The following GPC6 variants were observed in gnomAD, a reference collection of about 807,000 sequenced individuals.
The protein encoded by GPC6 is glypican-6.
Under a neutral mutation model 55.2 loss-of-function variants are expected in GPC6, and 14 were observed. The observed-to-expected ratio is 0.25, with a 90% CI of 0.17 to 0.40. GPC6 has a LOEUF of 0.40. Ranked by LOEUF, GPC6 falls within the 10% of genes least tolerant of loss-of-function variation. GPC6 has a pLI of 1.00. For synonymous variants in GPC6, 278 were observed against 259.6 expected, an observed-to-expected ratio of 1.07 and a Z score of -0.68; for missense variants, 641 against 708.5, an observed-to-expected ratio of 0.90 and a Z score of 1.08.
intron 1 of GPC6, among the ~76,000 whole-genome samples, chr13:93,516,672 A>G (rs1881208609): frequency 6.6e-6 from 1 of 152,176 alleles, no homozygotes; most frequent in South Asian, 2.1e-4. Context: ...TATCCTATCT[A>G]TGCACAAAGC....
intron 4 of GPC6, among the ~76,000 whole-genome samples, chr13:94,247,455 C>T (rs963006771): frequency 6.6e-6 from 1 of 152,072 alleles, no homozygotes; most frequent in African/African-American, 2.4e-5. Flanking sequence ...TTCAGTTTCT[C>T]CCTCTTGATT....
chr13:93,892,210 C>A (rs10492636), intron 3 of GPC6, among the ~76,000 whole-genome samples: 1 of 152,110 alleles, frequency 6.6e-6, no homozygotes, highest in Admixed American at 6.5e-5. Flanking sequence ...TTTGAAGAAG[C>A]ATATCTGTAA....
Position 93,860,950 on chromosome 13 carries a change from T to A in GPC6, c.711+30405T>A, listed in dbSNP as rs555619085. On this transcript the variant is annotated intron_variant, in intron 3 of 8. Coordinates refer to ENST00000377047, the MANE Select transcript of GPC6 (RefSeq NM_005708.5). Reference sequence around the variant, plus strand: ...GGCTCAGGGAACAGGCATTCTGGGTTTGCATGCAGGACTTGGAACTTCTAC... The same window carrying A: ...GGCTCAGGGAACAGGCATTCTGGGTATGCATGCAGGACTTGGAACTTCTAC... Among the ~76,000 whole-genome samples, 7 of 151,724 alleles carry A rather than the reference T, an allele frequency of 4.6e-5. No homozygotes were observed. The South Asian group carries it at 1.5e-3, about 31-fold the overall frequency.
At chr13:94,030,163 C>T (rs1883068000) in intron 4 of GPC6, among the ~76,000 whole-genome samples, 1 of 152,060 alleles carries the variant, frequency 6.6e-6, no homozygotes. Context: ...CGCCCGACAC[C>T]ACACCAGGCT....
At chr13:93,261,056 A>G (rs1382274406) in intron 1 of GPC6, among the ~76,000 whole-genome samples, 2 of 152,168 alleles carry the variant, frequency 1.3e-5, no homozygotes, top group African/African-American at 4.8e-5. Context: ...TTCCAAAAGG[A>G]AAGTAGTTTC....
chr13:93,307,809 G>A (rs927679254), intron 1 of GPC6, among the ~76,000 whole-genome samples: 1 of 151,952 alleles, frequency 6.6e-6, no homozygotes, highest in African/African-American at 2.4e-5. Context: ...TTATATTCTT[G>A]AAAAATGCCA....
chr13:93,315,292 TA>T (rs1211220572), intron 1 of GPC6, among the ~76,000 whole-genome samples: 2 of 152,048 alleles, frequency 1.3e-5, no homozygotes, highest in East Asian at 1.9e-4. Flanking sequence ...TTCTTTGCCA[TA>T]AAAAATGAAT....
At chr13:93,953,388 G>T (rs1395899804) in intron 3 of GPC6, among the ~76,000 whole-genome samples, 1 of 151,830 alleles carries the variant, frequency 6.6e-6, no homozygotes, top group African/African-American at 2.4e-5. Context: ...GTCCATCTTT[G>T]GTGGAATATT....
intron 4 of GPC6, among the ~76,000 whole-genome samples, chr13:94,284,102 G>C (rs1892462335): frequency 6.6e-6 from 1 of 152,204 alleles, no homozygotes; most frequent in African/African-American, 2.4e-5. Context: ...ACTGATGACA[G>C]GCTTGCCCGG....
At chr13:93,932,559 T>C (rs1218774304) in intron 3 of GPC6, among the ~76,000 whole-genome samples, 1 of 152,198 alleles carries the variant, frequency 6.6e-6, no homozygotes, top group South Asian at 2.1e-4. Flanking sequence ...TTCTACATCT[T>C]CAAGTAGTCA....
rs568527027 is a variant in GPC6 at position 94,015,142 on chromosome 13, A to G, written c.712-12587A>G. Among the ~76,000 whole-genome samples the G allele has an allele frequency of 4.6e-5, 7 of 152,328 alleles. No individual in the cohort carries two copies. In the East Asian group the frequency reaches 1.4e-3, roughly 29 times the overall value. ...TTTTCCAATGTGGCTGTACTATTATACATCCCTATTAGCAATATATAAATG... is the reference window on the plus strand; with the variant it reads ...TTTTCCAATGTGGCTGTACTATTATGCATCCCTATTAGCAATATATAAATG... On this transcript the variant is annotated intron_variant, in intron 3 of 8. Coordinates refer to ENST00000377047, the MANE Select transcript of GPC6 (RefSeq NM_005708.5).
intron 4 of GPC6, among the ~76,000 whole-genome samples, chr13:94,129,549 A>G (rs1886939939): frequency 6.6e-6 from 1 of 151,942 alleles, no homozygotes; most frequent in African/African-American, 2.4e-5. Flanking sequence ...CTGTGACCCA[A>G]TCCCCCACCA....
chr13:93,477,590 A>C (rs1358534094), intron 1 of GPC6, among the ~76,000 whole-genome samples: 1 of 152,196 alleles, frequency 6.6e-6, no homozygotes, highest in African/African-American at 2.4e-5. Context: ...TCATTAGCAA[A>C]CAGTTCACAA....
chr13:93,304,888 A>G (rs1165400377), intron 1 of GPC6, among the ~76,000 whole-genome samples: 1 of 152,172 alleles, frequency 6.6e-6, no homozygotes, highest in East Asian at 1.9e-4. Context: ...TGTCTATACA[A>G]GTATGTTTGG....
intron 2 of GPC6, among the ~76,000 whole-genome samples, chr13:93,550,530 C>A (rs1156479615): frequency 6.6e-6 from 1 of 152,034 alleles, no homozygotes; most frequent in Non-Finnish European, 1.5e-5. Flanking sequence ...ATAGTAACAC[C>A]TGCAGACTAC....
chr13:93,543,875 G>A (rs1428621629), intron 1 of GPC6, among the ~76,000 whole-genome samples: 1 of 152,010 alleles, frequency 6.6e-6, no homozygotes, highest in Non-Finnish European at 1.5e-5. Context: ...AGTCTTTTGA[G>A]GAACCTCCAT....
At chr13:93,767,799 G>A (rs571656532) in intron 2 of GPC6, among the ~76,000 whole-genome samples, 2 of 152,272 alleles carry the variant, frequency 1.3e-5, no homozygotes, top group East Asian at 3.9e-4. Context: ...CTTAAAAAAT[G>A]TTTATTCTGA....
At chr13:94,017,828 CCACGA>C (rs991901789) in intron 3 of GPC6, among the ~76,000 whole-genome samples, 7 of 152,180 alleles carry the variant, frequency 4.6e-5, no homozygotes, top group African/African-American at 1.7e-4. Context: ...CAGGCACCCA[CCACGA>C]CACCCAGCAA....
chr13:93,656,336 A>G (rs1880664948), intron 2 of GPC6, among the ~76,000 whole-genome samples: 1 of 152,160 alleles, frequency 6.6e-6, no homozygotes, highest in African/African-American at 2.4e-5. Context: ...CCAAACTAAA[A>G]TGTTACCCCT....
Sources: gnomAD v4.1 joint callset for allele counts (sites outside exome capture counted in the v4.1 genomes callset) on GRCh38, gnomAD v4.1.1 for gene constraint, MANE v1.5 for transcripts, NCBI Gene and HGNC (gene_info 2026-07-23, HGNC 2026-07-21) for gene names.